Variants in ZNF484 observed in about 807,000 individuals in gnomAD.
ZNF484 encodes the protein zinc finger protein 484, also known as KRAB box containing C2H2 type zinc finger bA526D8.4.
A neutral mutation model predicts 12.9 loss-of-function variants in ZNF484; 11 were observed. The observed-to-expected ratio is 0.85, with a 90% CI of 0.54 to 1.41. ZNF484 has a LOEUF of 1.41. Ranked by LOEUF, ZNF484 falls within the 40% of genes most tolerant of loss-of-function variation. The pLI, the probability that ZNF484 is intolerant of heterozygous loss-of-function variation, is 0.00. For missense variants in ZNF484, 807 were observed against 1,007.7 expected (o/e 0.80, Z 2.70); for synonymous variants, 289 against 334.1 (o/e 0.86, Z 1.47).
chr9:92,878,008 A>G lies in ZNF484; in HGVS notation c.-149T>C. ...CTCAATGCCTCCCAGGCCTAGAGGT[A>G]CTTCTTACAGCGCTGCCTGGGTTTG... On this transcript the variant is annotated 5_prime_UTR_variant, in exon 1 of 5. Coordinates refer to ENST00000375495, the MANE Select transcript of ZNF484 (RefSeq NM_031486.4). The G allele has an allele frequency of 1.3e-6, 1 of 743,898 alleles. No individual in the cohort carries two copies. Among genetic ancestry groups the G allele is most frequent in the South Asian group, 1.8e-5 (1 of 54,176 alleles). 46.1% of individuals were successfully genotyped at this position (743,898 alleles called of 1,614,324 possible). A position where few individuals can be genotyped will look rare whatever the true frequency, so the allele number is the denominator to read the frequency against.
chr9:92,866,147 A>T (rs1010093191), intron 2 of ZNF484, among the ~76,000 whole-genome samples: 3 of 152,196 alleles, frequency 2.0e-5, no homozygotes, highest in Non-Finnish European at 4.4e-5. Context: ...GATTGAGGAC[A>T]TGGGCTGATA....
Position 92,850,992 on chromosome 9 carries a change from G to A in ZNF484, c.236-2441C>T, listed in dbSNP as rs180760591. ...GAAAGAACTAGACATCAGAAGAGAA[G>A]ACTGAAAGTTGTTCATCAAACCTGT... On this transcript the variant is annotated intron_variant, in intron 4 of 4. Coordinates refer to ENST00000375495, the MANE Select transcript of ZNF484 (RefSeq NM_031486.4). 2.9e-3 allele frequency among the ~76,000 whole-genome samples: 444 copies of A among 152,300 alleles called. 1 individual carries two copies. Among genetic ancestry groups the A allele is most frequent in the African/African-American group, 0.01 (420 of 41,568 alleles).
chr9:92,859,951 T>C (rs1489325905), intron 2 of ZNF484, among the ~76,000 whole-genome samples: 5 of 152,192 alleles, frequency 3.3e-5, no homozygotes, highest in Non-Finnish European at 5.9e-5. Context: ...TGATGTGTGA[T>C]GATAATACGC....
At chr9:92,850,427 C>T (rs1855996177) in intron 4 of ZNF484, among the ~76,000 whole-genome samples, 1 of 152,152 alleles carries the variant, frequency 6.6e-6, no homozygotes, top group South Asian at 2.1e-4. Context: ...CCACTGTGCC[C>T]TAAATACCAA....
intron 2 of ZNF484, among the ~76,000 whole-genome samples, chr9:92,872,030 AG>A (rs1223082235): frequency 6.6e-6 from 1 of 152,148 alleles, no homozygotes; most frequent in African/African-American, 2.4e-5. Context: ...TGGGAGTTTG[AG>A]ACCAGCCTGA....
chr9:92,866,831 A>G (rs1587760150), intron 2 of ZNF484, among the ~76,000 whole-genome samples: 1 of 152,170 alleles, frequency 6.6e-6, no homozygotes. Flanking sequence ...ATCAGATCAC[A>G]TCCTTTGCAG....
chr9:92,862,194 C>G (rs1415161743), intron 2 of ZNF484: 2 of 928,894 alleles, frequency 2.2e-6, no homozygotes, highest in East Asian at 2.3e-4. Flanking sequence ...AAAGAATTAA[C>G]TGCCATACAT....
chr9:92,872,926 G>A (rs1318754988), intron 2 of ZNF484, among the ~76,000 whole-genome samples: 1 of 151,524 alleles, frequency 6.6e-6, no homozygotes, highest in Non-Finnish European at 1.5e-5. Flanking sequence ...AAAAACAAAA[G>A]AACTATCAAC....
intron 2 of ZNF484, among the ~76,000 whole-genome samples, chr9:92,860,920 T>C (rs906726554): frequency 6.6e-6 from 1 of 151,872 alleles, no homozygotes; most frequent in African/African-American, 2.4e-5. Context: ...TAAAAAGGGG[T>C]TCTTTAAATA....
chr9:92,860,304 C>T (rs941908303), intron 2 of ZNF484, among the ~76,000 whole-genome samples: 2 of 152,074 alleles, frequency 1.3e-5, no homozygotes, highest in African/African-American at 4.8e-5. Context: ...TCCTTTACTG[C>T]ACAACAATAT....
intron 2 of ZNF484, among the ~76,000 whole-genome samples, chr9:92,872,103 T>C (rs1267795858): frequency 1.3e-5 from 2 of 151,954 alleles, no homozygotes; most frequent in Non-Finnish European, 2.9e-5. Flanking sequence ...TGGTGGCACA[T>C]GCCTGTAATA....
At chr9:92,858,848 G>A (rs72741010) in intron 2 of ZNF484, among the ~76,000 whole-genome samples, 7,668 of 152,182 alleles carry the variant, frequency 0.05, 239 homozygotes, top group Middle Eastern at 0.065. Context: ...AAACTAGGCC[G>A]GGCGTGGTGG....
At chr9:92,874,907 TATTTA>T in intron 2 of ZNF484, 103 bp downstream of exon 2, 1 of 1,083,978 alleles carries the variant, frequency 9.2e-7, no homozygotes, top group African/African-American at 1.6e-5. Flanking sequence ...TCTTAGTTTT[TATTTA>T]TTTAGTCTTG....
chr9:92,870,237 C>A (rs1857349205), intron 2 of ZNF484, among the ~76,000 whole-genome samples: 1 of 152,178 alleles, frequency 6.6e-6, no homozygotes, highest in Non-Finnish European at 1.5e-5. Flanking sequence ...TAGCTCTGAC[C>A]AGGTGTTCGA....
chr9:92,847,521 G>C lies in ZNF484; in HGVS notation c.1266C>G (p.Ile422Met). ...YVCTECGKAF[I>M]RKSHFITHER... The stretch of plus-strand genomic sequence containing the variant: ...CATGTGTGATAAAATGTGACTTCCG[G>C]ATAAAGGCCTTCCCACATTCAGTAC... Residue 422 changes from isoleucine (I) to methionine (M), a missense_variant, in exon 5 of 5, where the codon ATC becomes ATG. Physicochemically the swap from Ile to Met is conservative, Grantham distance 10. Transcript: ENST00000375495. 1 of 1,613,188 alleles carries C rather than the reference G, an allele frequency of 6.2e-7. No individual in the cohort carries two copies. Among genetic ancestry groups the C allele is most frequent in the South Asian group, 1.1e-5 (1 of 90,864 alleles).
At position 92,848,123 on chromosome 9, in the gene ZNF484, C is replaced by T. The variant is rs1302980998; in HGVS notation, c.664G>A (p.Ala222Thr). 6.2e-7 allele frequency: 1 copy of T among 1,614,050 alleles called. No homozygotes were observed. The highest frequency in any genetic ancestry group is 8.5e-7 in the Non-Finnish European group (1 of 1,180,036). The change falls in exon 5 of 5, where the codon GCT becomes ACT. Residue 222 changes from alanine (A) to threonine (T), a missense_variant. Transcript: ENST00000375495. This position sits in a 1 kb window ranked among gnomAD's most constrained non-coding sequence, Gnocchi z 4.1. ...TTCCCACATTGGTTACATTCACAAG[C>T]AGTCACTTCTGTATGAGAATTCAAA... ...THLNSHTEVT[A>T]CECNQCGKPL... is the part of the protein sequence containing the mutation.
Position 92,861,243 on chromosome 9 carries a change from A to G in ZNF484, c.16-4925T>C, listed in dbSNP as rs193001928. Among the ~76,000 whole-genome samples, 30 of 152,364 alleles carry G rather than the reference A, an allele frequency of 2.0e-4. 1 individual carries two copies. In the East Asian group the frequency reaches 2.5e-3, roughly 13 times the overall value. On this transcript the variant is annotated intron_variant, in intron 2 of 4. Coordinates refer to ENST00000375495, the MANE Select transcript of ZNF484 (RefSeq NM_031486.4). ...ATAACATGATATTCAGAATGTCCTG[A>G]ATAAAGCCAAAATTATTCATCATCT...
intron 2 of ZNF484, among the ~76,000 whole-genome samples, chr9:92,861,033 G>C (rs780476687): frequency 1.3e-4 from 20 of 152,182 alleles, no homozygotes; most frequent in Non-Finnish European, 2.4e-4. Context: ...GTGGGATACT[G>C]TCCAGGTTTC....
chr9:92,870,516 G>A (rs531082097), intron 2 of ZNF484, among the ~76,000 whole-genome samples: 76 of 152,310 alleles, frequency 5.0e-4, no homozygotes, highest in Non-Finnish European at 7.1e-4. Flanking sequence ...AGGGTAGTAT[G>A]AGAAAAGCCA....
Sources: allele counts gnomAD v4.1 joint callset (sites outside exome capture counted in the v4.1 genomes callset), GRCh38; gene constraint gnomAD v4.1.1; non-coding constraint Gnocchi (gnomAD v3.1); transcripts MANE v1.5; gene names NCBI Gene and HGNC (gene_info 2026-07-23, HGNC 2026-07-21).